Variants in CTNNBL1 observed in about 807,000 individuals in gnomAD.
The protein encoded by CTNNBL1 is catenin beta like 1.
CTNNBL1 carries 31 observed loss-of-function variants against 72.7 expected under a neutral mutation model. The ratio of observed to expected loss-of-function variants is 0.43; its 90% CI spans 0.32 to 0.58. CTNNBL1 has a LOEUF of 0.58. Ranked by LOEUF, CTNNBL1 falls within the 20% of genes least tolerant of loss-of-function variation. CTNNBL1 has a pLI of 0.08. For missense variants in CTNNBL1, 534 were observed against 725.1 expected, an observed-to-expected ratio of 0.74 and a Z score of 3.03; for synonymous variants, 240 against 267.3, an observed-to-expected ratio of 0.90 and a Z score of 1.00.
intron 13 of CTNNBL1, among the ~76,000 whole-genome samples, chr20:37,851,679 T>C (rs1449270899): frequency 6.6e-6 from 1 of 152,256 alleles, no homozygotes; most frequent in Non-Finnish European, 1.5e-5. Context: ...GATTCATCTC[T>C]TTAAGCCTCA....
intron 15 of CTNNBL1, among the ~76,000 whole-genome samples, chr20:37,860,922 T>C (rs996243828): frequency 1.3e-5 from 2 of 152,246 alleles, no homozygotes; most frequent in African/African-American, 4.8e-5. Context: ...TGTGTAGTTA[T>C]CATAGGTGTG....
intron 13 of CTNNBL1, among the ~76,000 whole-genome samples, chr20:37,849,269 A>G (rs2072373905): frequency 1.3e-5 from 2 of 152,232 alleles, no homozygotes; most frequent in Non-Finnish European, 2.9e-5. Flanking sequence ...TCTAAAATGT[A>G]AATTCATGTA....
chr20:37,721,910 G>A (rs1482464281), intron 1 of CTNNBL1, among the ~76,000 whole-genome samples: 1 of 152,164 alleles, frequency 6.6e-6, no homozygotes, highest in African/African-American at 2.4e-5. Context: ...TGCATCAGTG[G>A]TATCAGGCCT....
intron 10 of CTNNBL1, among the ~76,000 whole-genome samples, chr20:37,792,346 G>A (rs1051065138): frequency 2.0e-5 from 3 of 151,858 alleles, no homozygotes; most frequent in African/African-American, 7.3e-5. Flanking sequence ...GTGTATTTGT[G>A]TGTGTGTGTT....
chr20:37,741,971 C>T (rs909205726), intron 3 of CTNNBL1, among the ~76,000 whole-genome samples: 1 of 151,974 alleles, frequency 6.6e-6, no homozygotes, highest in Admixed American at 6.5e-5. Context: ...TCTATTCTAC[C>T]ATCTAACTCT....
intron 14 of CTNNBL1, 117 bp from the exon 15 acceptor site, chr20:37,860,155 C>G: frequency 6.8e-7 from 1 of 1,480,322 alleles, no homozygotes; most frequent in Non-Finnish European, 9.4e-7. Context: ...TTCCTTTACT[C>G]TACATCAGCC....
rs550298805 is a variant in CTNNBL1, at chr20:37,728,671, TAGAAG to T, written c.31-4203_31-4199del. ...GAGAAGTTCTTACGATTTTTGCCTT[TAGAAG>T]AGAATGTGGAAATAAAACATATCAG... On this transcript the variant is annotated intron_variant, in intron 1 of 15. Transcript: ENST00000361383. 3.5e-4 allele frequency among the ~76,000 whole-genome samples: 53 copies of T among 152,332 alleles called. 2 individuals carry two copies. In the South Asian group the frequency reaches 0.011, roughly 31 times the overall value.
chr20:37,864,950 A>C (rs2072524936), intron 15 of CTNNBL1, among the ~76,000 whole-genome samples: 1 of 152,128 alleles, frequency 6.6e-6, no homozygotes, highest in African/African-American at 2.4e-5. Context: ...CAACAGGCCT[A>C]GAAAGTGGGG....
chr20:37,778,217 G>C (rs867943544), intron 9 of CTNNBL1, among the ~76,000 whole-genome samples: 1 of 152,286 alleles, frequency 6.6e-6, no homozygotes, highest in African/African-American at 2.4e-5. Flanking sequence ...TTTTCTCACT[G>C]TAAGAAATGT....
At chr20:37,767,827 C>T in intron 6 of CTNNBL1, 126 bp from the exon 7 acceptor site, 1 of 714,018 alleles carries the variant, frequency 1.4e-6, no homozygotes, top group Non-Finnish European at 2.5e-6. Flanking sequence ...AATGACAACC[C>T]AGCATCTGGC....
chr20:37,738,176 A>G (rs1023044493), intron 3 of CTNNBL1, among the ~76,000 whole-genome samples: 2 of 152,230 alleles, frequency 1.3e-5, no homozygotes, highest in Admixed American at 1.3e-4. Context: ...TGTGGAGATC[A>G]TTTCAGAGGC....
chr20:37,761,064 G>C (rs984779906), intron 5 of CTNNBL1, among the ~76,000 whole-genome samples: 1 of 152,232 alleles, frequency 6.6e-6, no homozygotes, highest in East Asian at 1.9e-4. Context: ...GAGGGGCAGT[G>C]TTCTGTGGAC....
At chr20:37,712,660 TC>T (rs1382900582) in intron 1 of CTNNBL1, among the ~76,000 whole-genome samples, 1 of 152,138 alleles carries the variant, frequency 6.6e-6, no homozygotes, top group Non-Finnish European at 1.5e-5. Context: ...AAAGAACTGT[TC>T]CTAATGAAAG....
At chr20:37,818,382 T>C (rs2072077765) in intron 11 of CTNNBL1, among the ~76,000 whole-genome samples, 1 of 152,162 alleles carries the variant, frequency 6.6e-6, no homozygotes, top group Admixed American at 6.5e-5. Flanking sequence ...ATTAGAAAGA[T>C]TGAAAGTAGG....
rs115823160 is a variant in CTNNBL1 at position 37,844,707 on chromosome 20, G to A, written c.1392+2288G>A. The stretch of plus-strand genomic sequence containing the variant: ...TTTTAGGGTAGGCCAAAAATTTTGG[G>A]AGGCCAAGGCGGGCAGATCACTTGA... On this transcript the variant is annotated intron_variant, in intron 13 of 15. Transcript: ENST00000361383. 7.3e-3 allele frequency among the ~76,000 whole-genome samples: 1,110 copies of A among 152,282 alleles called. 9 individuals carry two copies. The highest frequency in any genetic ancestry group is 0.026 in the African/African-American group (1,060 of 41,548).
At chr20:37,773,483 A>G (rs2073543755) in intron 7 of CTNNBL1, among the ~76,000 whole-genome samples, 1 of 152,244 alleles carries the variant, frequency 6.6e-6, no homozygotes, top group South Asian at 2.1e-4. Context: ...TAAGAGAGCC[A>G]GGCTCCTGGA....
chr20:37,760,113 G>A (rs907149609), intron 5 of CTNNBL1, among the ~76,000 whole-genome samples: 1 of 152,240 alleles, frequency 6.6e-6, no homozygotes, highest in East Asian at 1.9e-4. Flanking sequence ...TGTTACTTAC[G>A]CAAAAGGCAA....
intron 1 of CTNNBL1, among the ~76,000 whole-genome samples, chr20:37,701,403 A>G (rs1193584250): frequency 6.6e-6 from 1 of 152,190 alleles, no homozygotes; most frequent in Non-Finnish European, 1.5e-5. Context: ...CAAGTATTGC[A>G]TGCACTAAAA....
At chr20:37,866,347 CTG>C (rs1460727565) in intron 15 of CTNNBL1, among the ~76,000 whole-genome samples, 2 of 152,222 alleles carry the variant, frequency 1.3e-5, no homozygotes, top group Admixed American at 6.5e-5. Context: ...GGAGAACCAA[CTG>C]TGCTAAGACC....
Sources: allele counts gnomAD v4.1 joint callset (sites outside exome capture counted in the v4.1 genomes callset), GRCh38; gene constraint gnomAD v4.1.1; transcripts MANE v1.5; gene names NCBI Gene and HGNC (gene_info 2026-07-23, HGNC 2026-07-21).